PAK1: variants seen among roughly 807,000 people sequenced by gnomAD.
PAK1 encodes serine/threonine-protein kinase PAK 1.
Under a neutral mutation model 67.4 loss-of-function variants are expected in PAK1, and 29 were observed. That is an observed-to-expected ratio of 0.43 (90% CI 0.32 to 0.59). PAK1 has a LOEUF of 0.59. Among genes scored for constraint, PAK1 ranks in the 20% least tolerant of loss-of-function variants. PAK1 has a pLI of 0.07. For missense variants in PAK1, 337 were observed against 670.7 expected (o/e 0.50, Z 5.50); for synonymous variants, 223 against 237.4 (o/e 0.94, Z 0.56).
intron 1 of PAK1, among the ~76,000 whole-genome samples, chr11:77,439,990 A>G (rs1956284884): frequency 6.6e-6 from 1 of 152,162 alleles, no homozygotes; most frequent in Non-Finnish European, 1.5e-5. Flanking sequence ...AGTCACCCAG[A>G]CTAGTCTAAG....
chr11:77,429,056 TAAAAAAAAAA>T (rs566874549), intron 1 of PAK1, among the ~76,000 whole-genome samples: 22,549 of 49,198 alleles, frequency 0.46, 3,749 homozygotes, highest in Non-Finnish European at 0.53. Flanking sequence ...CATTTAATAC[TAAAAAAAAAA>T]AAAAAAAAAA....
chr11:77,369,466 G>C (rs1450152188), intron 5 of PAK1, among the ~76,000 whole-genome samples: 3 of 22,280 alleles, frequency 1.3e-4, no homozygotes, highest in African/African-American at 3.6e-4. Flanking sequence ...TTTTTTTTTT[G>C]AGATGGAGTC....
intron 1 of PAK1, among the ~76,000 whole-genome samples, chr11:77,414,778 A>C (rs1044035454): frequency 6.6e-6 from 1 of 152,244 alleles, no homozygotes; most frequent in Non-Finnish European, 1.5e-5. Flanking sequence ...TGCAAAATGC[A>C]AAACTATAAA....
upstream of PAK1, among the ~76,000 whole-genome samples, chr11:77,479,607 T>A (rs1487326609): frequency 1.5e-5 from 2 of 133,188 alleles, no homozygotes; most frequent in East Asian, 4.4e-4. Flanking sequence ...ATAAACTTTT[T>A]TTTTTTTTTT....
intron 6 of PAK1, among the ~76,000 whole-genome samples, chr11:77,357,247 C>T (rs1005410745): frequency 1.3e-5 from 2 of 152,012 alleles, no homozygotes; most frequent in African/African-American, 4.8e-5. Context: ...ACATCCTGCA[C>T]CTTGGACTGC....
chr11:77,468,479 A>G (rs541717584), intron 1 of PAK1, among the ~76,000 whole-genome samples: 10 of 152,232 alleles, frequency 6.6e-5, no homozygotes, highest in Non-Finnish European at 1.3e-4. Context: ...CAAAAAGGGT[A>G]GAAAAATGTA....
chr11:77,441,058 C>T (rs1446869154), intron 1 of PAK1, among the ~76,000 whole-genome samples: 1 of 152,190 alleles, frequency 6.6e-6, no homozygotes, highest in Admixed American at 6.5e-5. Flanking sequence ...CCCTCCTCTC[C>T]CAAGAGGCCT....
At chr11:77,442,905 T>C (rs73494597) in intron 1 of PAK1, among the ~76,000 whole-genome samples, 2 of 152,148 alleles carry the variant, frequency 1.3e-5, no homozygotes, top group Non-Finnish European at 2.9e-5. Flanking sequence ...GGTGACCTTG[T>C]GCAATTCATT....
intron 1 of PAK1, among the ~76,000 whole-genome samples, chr11:77,401,005 C>T (rs1416869754): frequency 6.6e-6 from 1 of 152,116 alleles, no homozygotes; most frequent in Non-Finnish European, 1.5e-5. Context: ...CACTACACCA[C>T]ACTACACTGC....
chr11:77,479,222 G>T (rs114254376), upstream of PAK1, among the ~76,000 whole-genome samples: 2 of 152,086 alleles, frequency 1.3e-5, no homozygotes, highest in African/African-American at 4.8e-5. Flanking sequence ...TGGCTTCAAG[G>T]AAATGAATTT....
chr11:77,354,253 T>A (rs543232398), intron 7 of PAK1, among the ~76,000 whole-genome samples: 4 of 152,242 alleles, frequency 2.6e-5, no homozygotes, highest in South Asian at 2.1e-4. Context: ...AAGAAGATAC[T>A]TCCCCCCCAA....
At chr11:77,495,453 A>C in the PAK1 span, among the ~76,000 whole-genome samples, 3 of 152,196 alleles carry the variant, frequency 2.0e-5, no homozygotes, top group South Asian at 6.2e-4. Context: ...CAGCCTGGGC[A>C]ACAAAACAAG....
intron 1 of PAK1, among the ~76,000 whole-genome samples, chr11:77,444,041 C>CA (rs1956481208): frequency 6.6e-6 from 1 of 152,136 alleles, no homozygotes; most frequent in South Asian, 2.1e-4. Context: ...AACTGAGACT[C>CA]AAAAAGAATT....
chr11:77,489,915 C>T, the PAK1 span, among the ~76,000 whole-genome samples: 3 of 151,728 alleles, frequency 2.0e-5, no homozygotes. Context: ...CGCCTATCGT[C>T]TGGGATGTGA....
chr11:77,422,636 T>C (rs888142764), intron 1 of PAK1, among the ~76,000 whole-genome samples: 4 of 152,162 alleles, frequency 2.6e-5, no homozygotes, highest in African/African-American at 4.8e-5. Flanking sequence ...CTTGCCAATT[T>C]TGCCAACCCT....
At chr11:77,412,810 T>A (rs935873840) in intron 1 of PAK1, among the ~76,000 whole-genome samples, 3 of 152,240 alleles carry the variant, frequency 2.0e-5, no homozygotes, top group African/African-American at 7.2e-5. Flanking sequence ...AAGTAGGCAC[T>A]ATACCAATTC....
At chr11:77,331,144 G>A (rs1201146320) in intron 14 of PAK1, among the ~76,000 whole-genome samples, 2 of 152,228 alleles carry the variant, frequency 1.3e-5, no homozygotes, top group Non-Finnish European at 2.9e-5. Flanking sequence ...AACACGTGCT[G>A]GAGAGGATGT....
At chr11:77,440,793 C>A (rs780342996) in intron 1 of PAK1, among the ~76,000 whole-genome samples, 1 of 152,084 alleles carries the variant, frequency 6.6e-6, no homozygotes, top group South Asian at 2.1e-4. Flanking sequence ...AAACAAGAGA[C>A]CTTCTAAGCT....
intron 3 of PAK1, among the ~76,000 whole-genome samples, chr11:77,379,602 A>G (rs1418922716): frequency 6.6e-6 from 1 of 152,220 alleles, no homozygotes. Context: ...TCACCAGGCT[A>G]TACCTCCAGG....
Sources: gnomAD v4.1 joint callset for allele counts (sites outside exome capture counted in the v4.1 genomes callset) on GRCh38, gnomAD v4.1.1 for gene constraint, MANE v1.5 for transcripts, NCBI Gene and HGNC (gene_info 2026-07-23, HGNC 2026-07-21) for gene names.